GRK6: variants seen among roughly 807,000 people sequenced by gnomAD.
The protein encoded by GRK6 is G protein-coupled receptor kinase 6.
Under a neutral mutation model 80.8 loss-of-function variants are expected in GRK6, and 37 were observed. The ratio of observed to expected loss-of-function variants is 0.46; its 90% confidence interval spans 0.35 to 0.60. The LOEUF is 0.60. Among genes scored for constraint, GRK6 ranks in the 20% least tolerant of loss-of-function variants. The pLI is 0.00. For missense variants in GRK6, 560 were observed against 784.6 expected (o/e 0.71, Z 3.42); for synonymous variants, 295 against 320.9 (o/e 0.92, Z 0.86).
In GRK6 at chr5:177,440,905, C is replaced by G. The variant is rs745437344; in HGVS notation, c.1543-14C>G. On this transcript the variant is annotated splice_polypyrimidine_tract_variant and intron_variant, in intron 14 of 15. Transcript: ENST00000355472. ...CCCTGGGGACAGCTGTCACAGCCGC[C>G]TGCTCCTCAGCAGATGGTGGAGACC... 6.2e-7 allele frequency: 1 copy of G among 1,613,936 alleles called. No homozygotes were observed. Among genetic ancestry groups the G allele is most frequent in the South Asian group, 1.1e-5 (1 of 91,082 alleles).
Position 177,441,920 on chromosome 5 carries a change from CCA to C in GRK6, c.*131_*132del. 1.2e-6 allele frequency: 1 copy of C among 828,970 alleles called. No individual in the cohort carries two copies. Among genetic ancestry groups the C allele is most frequent in the Non-Finnish European group, 2.0e-6 (1 of 507,904 alleles). 51.4% of individuals were successfully genotyped at this position (828,970 alleles called of 1,614,324 possible). On this transcript the variant is annotated 3_prime_UTR_variant, in exon 16 of 16. Transcript: ENST00000355472. ...CTGGGGAACACAGACGGAGCTGTCC[CCA>C]GTGTCCTCCGTCCCTCAGCCCCTGG...
chr5:177,439,830 C>T (rs935238794), intron 13 of GRK6: 5 of 152,252 alleles, frequency 3.3e-5, no homozygotes, highest in African/African-American at 1.2e-4. Context: ...CAAGGTTCAT[C>T]CATGTTGTAG....
intron 1 of GRK6, 118 bp from the exon 2 acceptor site, chr5:177,430,754 T>A: frequency 1.3e-6 from 1 of 781,740 alleles, no homozygotes; most frequent in Non-Finnish European, 2.2e-6. Context: ...AGGCCTGAGG[T>A]GCTGTTCTGC....
upstream of GRK6, chr5:177,426,384 T>A (rs1372323857): frequency 6.6e-6 from 1 of 152,196 alleles, no homozygotes; most frequent in South Asian, 2.1e-4. Flanking sequence ...CCACCTCCAT[T>A]GTCCCGGCTG....
Position 177,429,845 on chromosome 5 carries a change from G to A in GRK6, c.53-1027G>A, listed in dbSNP as rs539390771. ...GTGGACAGTGTCTCCCATTCACTAC[G>A]TAACACACATGGAGAAGCTGAGGTT... On this transcript the variant is annotated intron_variant, in intron 1 of 15. Coordinates refer to ENST00000355472, the MANE Select transcript of GRK6 (RefSeq NM_001004106.3). The surrounding 1 kb of genome is among the most constrained non-coding windows in gnomAD (Gnocchi z 4.3). 1.2e-3 allele frequency among the ~76,000 whole-genome samples: 183 copies of A among 152,266 alleles called. No homozygotes were observed. The highest frequency in any genetic ancestry group is 4.1e-3 in the African/African-American group (172 of 41,550).
Position 177,434,881 on chromosome 5 carries a change from C to G in GRK6, c.930-21C>G, listed in dbSNP as rs149131798. 53 of 1,613,362 alleles carry G rather than the reference C, an allele frequency of 3.3e-5. No individual in the cohort carries two copies. The African/African-American group carries it at 6.1e-4, about 19-fold the overall frequency. On this transcript the variant is annotated intron_variant, in intron 9 of 15. Transcript: ENST00000355472. ...CCTGGCAAACTGAGCAGCATCTGACCCTGCTCTTCTCTCTGCACAGGGACC... is the reference window on the plus strand; with the variant it reads ...CCTGGCAAACTGAGCAGCATCTGACGCTGCTCTTCTCTCTGCACAGGGACC...
In GRK6 at chr5:177,436,151, T is replaced by C; in HGVS notation, c.1136T>C (p.Ile379Thr). Residue 379 changes from isoleucine to threonine, a missense_variant, in exon 12 of 16, where the codon ATC (isoleucine) becomes ACC (threonine). This residue lies in a region of GRK6 where 294 missense variants were observed against 397.4 expected (regional missense o/e 0.74). Coordinates refer to ENST00000355472, the MANE Select transcript of GRK6 (RefSeq NM_001004106.3). ...WALGCLLYEM[I>T]AGQSPFQQRK... is the part of the protein sequence containing the mutation. ...CTCGGCTGCCTCCTGTACGAGATGATCGCAGGCCAGTCGCCCTTCCAGCAG... is the reference window on the plus strand; with the variant it reads ...CTCGGCTGCCTCCTGTACGAGATGACCGCAGGCCAGTCGCCCTTCCAGCAG... 1 of 1,614,106 alleles carries C rather than the reference T, an allele frequency of 6.2e-7. No homozygotes were observed. Among genetic ancestry groups the C allele is most frequent in the Non-Finnish European group, 8.5e-7 (1 of 1,180,006 alleles).
In GRK6 at chr5:177,433,943, G is replaced by A. The variant is rs1561655676; in HGVS notation, c.768G>A (p.Lys256=). 1 of 1,600,936 alleles carries A rather than the reference G, an allele frequency of 6.2e-7. No individual in the cohort carries two copies. Among genetic ancestry groups the A allele is most frequent in the Non-Finnish European group, 8.5e-7 (1 of 1,172,330 alleles). Residue 256 remains lysine (K), a synonymous_variant, in exon 9 of 16, where the codon AAG becomes AAA. Transcript: ENST00000355472. ...GCTTGGCCTACGCCTATGAGACCAA[G>A]GACGCGCTGTGCCTGGTGCTGACAC... is the stretch of plus-strand genomic sequence containing the variant. ...VVSLAYAYET[K]DALCLVLTLM...
Position 177,436,529 on chromosome 5 carries a change from A to C in GRK6, c.1403A>C (p.Asp468Ala). The C allele has an allele frequency of 6.3e-7, 1 of 1,586,838 alleles. No homozygotes were observed. The highest frequency in any genetic ancestry group is 8.6e-7 in the Non-Finnish European group (1 of 1,165,958). Residue 468 changes from aspartate to alanine, a missense_variant and splice_region_variant, in exon 13 of 16, where the codon GAC (aspartate) becomes GCC (alanine). This residue lies in a region of GRK6 where 294 missense variants were observed against 397.4 expected (regional missense o/e 0.74). Transcript: ENST00000355472. ...AGMLEPPFKP[D>A]PQAIYCKDVL... The stretch of plus-strand genomic sequence containing the variant: ...ATGCTGGAGCCGCCGTTCAAGCCTG[A>C]CGTGAGTGCAGCCCACTCCTGCTGA...
At chr5:177,430,768 A>G (rs28726329) in intron 1 of GRK6, 104 bp from the exon 2 acceptor site, 937,725 of 938,084 alleles carry the variant, frequency 1, 468,684 homozygotes, top group East Asian at 1. Flanking sequence ...GTTCTGCCTC[A>G]GCTCTGCCTT....
chr5:177,437,372 C>T (rs1352348299), intron 13 of GRK6, among the ~76,000 whole-genome samples: 4 of 152,206 alleles, frequency 2.6e-5, no homozygotes, highest in East Asian at 1.9e-4. Flanking sequence ...TACACCCACC[C>T]GAACCTGCAC....
chr5:177,438,290 C>T (rs1764264694), intron 13 of GRK6, among the ~76,000 whole-genome samples: 1 of 152,204 alleles, frequency 6.6e-6, no homozygotes, highest in Non-Finnish European at 1.5e-5. Context: ...ATCGCTTGAA[C>T]CCAAGAGGAG....
rs569979171 is a variant in GRK6, at chr5:177,430,512, G to A, written c.53-360G>A. Among the ~76,000 whole-genome samples, 202 of 152,302 alleles carry A rather than the reference G, an allele frequency of 1.3e-3. 1 individual carries two copies. The highest frequency in any genetic ancestry group is 4.6e-3 in the African/African-American group (193 of 41,560). Reference sequence around the variant, plus strand: ...CACTGGCCTAGAATCTCTCCCTCCCGGGCCTTCTGCACTTCTCAGCACTGT... The same window carrying A: ...CACTGGCCTAGAATCTCTCCCTCCCAGGCCTTCTGCACTTCTCAGCACTGT... On this transcript the variant is annotated intron_variant, in intron 1 of 15. Coordinates refer to ENST00000355472, the MANE Select transcript of GRK6 (RefSeq NM_001004106.3).
chr5:177,435,025 C>T lies in GRK6; in HGVS notation c.968-7C>T, dbSNP rs905459356. On this transcript the variant is annotated splice_polypyrimidine_tract_variant and splice_region_variant and intron_variant, in intron 10 of 15. Coordinates refer to ENST00000355472, the MANE Select transcript of GRK6 (RefSeq NM_001004106.3). ...ACGGGTCCACCTGTTTCTCCACCCA[C>T]ACTCAGGCCACATCCGCATCTCTGA... 10 of 1,612,934 alleles carry T rather than the reference C, an allele frequency of 6.2e-6. No homozygotes were observed. In the East Asian group the frequency reaches 2.2e-4, roughly 36 times the overall value.
At chr5:177,434,974 G>A in intron 10 of GRK6, 35 bp downstream of exon 10, 4 of 1,612,766 alleles carry the variant, frequency 2.5e-6, no homozygotes, top group Non-Finnish European at 3.4e-6. Context: ...TCAGGGTGGG[G>A]TGAGATGCAG....
intron 1 of GRK6, 161 bp from the exon 2 acceptor site, chr5:177,430,711 C>T (rs576357829): frequency 1.6e-4 from 98 of 626,846 alleles, no homozygotes; most frequent in East Asian, 4.5e-4. Context: ...TGTCCTGGAA[C>T]GCAGCAAGGG....
rs149423489 is a variant in GRK6, at chr5:177,436,109, G to T, written c.1094G>T (p.Ser365Ile). Residue 365 changes from serine to isoleucine, a missense_variant, in exon 12 of 16, where the codon AGC (serine) becomes ATC (isoleucine). By Grantham distance (142) the Ser-to-Ile change is moderately radical. This residue lies in a region of GRK6 where 294 missense variants were observed against 397.4 expected (regional missense o/e 0.74). Transcript: ENST00000355472. Reference protein sequence around the residue: ...EVVKNERYTFSPDWWALGCLL... With the variant: ...EVVKNERYTFIPDWWALGCLL... ...GTGAAGAATGAACGGTACACGTTCA[G>T]CCCTGACTGGTGGGCGCTCGGCTGC... The T allele has an allele frequency of 6.2e-7, 1 of 1,614,002 alleles. No individual in the cohort carries two copies. Among genetic ancestry groups the T allele is most frequent in the Non-Finnish European group, 8.5e-7 (1 of 1,180,036 alleles).
rs1432095149 is a variant in GRK6, at chr5:177,434,069, C to G, written c.894C>G (p.Gly298=). The G allele has an allele frequency of 3.1e-6, 5 of 1,601,902 alleles. No individual in the cohort carries two copies. The highest frequency in any genetic ancestry group is 4.3e-6 in the Non-Finnish European group (5 of 1,174,852). The change falls in exon 9 of 16, where the codon GGC becomes GGG. Residue 298 remains glycine, a synonymous_variant. Coordinates refer to ENST00000355472, the MANE Select transcript of GRK6 (RefSeq NM_001004106.3). Reference sequence around the variant, plus strand: ...TCTACGCCGCCGAGATCTGCTGTGGCCTGGAGGACCTGCACCGGGAGCGCA... The same window carrying G: ...TCTACGCCGCCGAGATCTGCTGTGGGCTGGAGGACCTGCACCGGGAGCGCA... The part of the protein sequence containing the change: ...AVFYAAEICC[G]LEDLHRERIV...
At chr5:177,441,709 T>G in intron 15 of GRK6, 28 bp from the exon 16 acceptor site, 1 of 1,573,806 alleles carries the variant, frequency 6.4e-7, no homozygotes, top group Non-Finnish European at 8.7e-7. Context: ...CCTCTCTCCC[T>G]CCCTCCGTGT....
Sources: gnomAD v4.1 joint callset for allele counts (sites outside exome capture counted in the v4.1 genomes callset) on GRCh38, gnomAD v4.1.1 for gene constraint, gnomAD v4.1.1 regional missense constraint, Gnocchi (gnomAD v3.1) non-coding constraint, MANE v1.5 for transcripts, NCBI Gene and HGNC (gene_info 2026-07-23, HGNC 2026-07-21) for gene names.